ABCC4: variants seen among roughly 807,000 people sequenced by gnomAD.
ABCC4 encodes ATP-binding cassette sub-family C member 4.
A neutral mutation model predicts 168.5 loss-of-function variants in ABCC4; 102 were observed. The observed-to-expected ratio is 0.61, with a 90% confidence interval of 0.52 to 0.71. The LOEUF is 0.71. ABCC4 is among the 30% of genes least tolerant of loss of function. The pLI is 0.00. For synonymous variants in ABCC4, 617 were observed against 590.7 expected (o/e 1.04, Z -0.65); for missense variants, 1,402 against 1,605.8 (o/e 0.87, Z 2.17).
chr13:95,129,458 G>A (rs914009901), intron 19 of ABCC4, among the ~76,000 whole-genome samples: 1 of 152,176 alleles, frequency 6.6e-6, no homozygotes, highest in African/African-American at 2.4e-5. Context: ...TAATGGACAT[G>A]TTGTGGATAT....
intron 19 of ABCC4, among the ~76,000 whole-genome samples, chr13:95,133,350 T>G (rs921267093): frequency 2.6e-5 from 4 of 152,038 alleles, no homozygotes; most frequent in Non-Finnish European, 4.4e-5. Flanking sequence ...CTGGCCTCAA[T>G]TGATCTGCCT....
At position 95,164,103 on chromosome 13, in the gene ABCC4, T is replaced by C. The variant is rs1299816567; in HGVS notation, c.2175+275A>G. Among the ~76,000 whole-genome samples, 4 of 149,916 alleles carry C rather than the reference T, an allele frequency of 2.7e-5. No homozygotes were observed. In the East Asian group the frequency reaches 7.8e-4, roughly 29 times the overall value. On this transcript the variant is annotated intron_variant, in intron 16 of 30. Transcript: ENST00000645237. ...GAATAAAAGGCTCAGAGAACTCGCA[T>C]AGTTCTTCCAGCTCAGGTCTGTGCC...
chr13:95,207,635 A>T (rs985478846), intron 7 of ABCC4, among the ~76,000 whole-genome samples, 165 bp downstream of exon 7: 1 of 152,220 alleles, frequency 6.6e-6, no homozygotes, highest in African/African-American at 2.4e-5. Flanking sequence ...AAGTGAAAAT[A>T]ACGTTCTCTA....
intron 1 of ABCC4, among the ~76,000 whole-genome samples, chr13:95,274,544 C>G (rs1051750825): frequency 6.6e-6 from 1 of 152,178 alleles, no homozygotes; most frequent in African/African-American, 2.4e-5. Context: ...CTAAACTGTT[C>G]ACATGCACTC....
intron 1 of ABCC4, among the ~76,000 whole-genome samples, chr13:95,270,342 A>G (rs1342580053): frequency 0.072 from 45 of 624 alleles, no homozygotes; most frequent in South Asian, 0.36. Flanking sequence ...CAGGCTGTGA[A>G]AAAAAAAAAA....
At chr13:95,295,580 C>T (rs1464996061) in intron 1 of ABCC4, among the ~76,000 whole-genome samples, 3 of 152,122 alleles carry the variant, frequency 2.0e-5, no homozygotes, top group Non-Finnish European at 2.9e-5. Flanking sequence ...ATCACTTGAA[C>T]CCTGGAGGCA....
At chr13:95,256,534 T>C (rs1175006244) in intron 1 of ABCC4, among the ~76,000 whole-genome samples, 1 of 152,152 alleles carries the variant, frequency 6.6e-6, no homozygotes, top group Non-Finnish European at 1.5e-5. Context: ...GGCAGGAAGA[T>C]TGCTTGAGCC....
intron 9 of ABCC4, among the ~76,000 whole-genome samples, chr13:95,194,398 G>A (rs2038351881): frequency 1.3e-5 from 2 of 152,150 alleles, no homozygotes. Flanking sequence ...TCCAAGTCAT[G>A]GGCTTTCTCA....
chr13:95,201,700 C>A (rs983238050), intron 8 of ABCC4, among the ~76,000 whole-genome samples: 3 of 152,024 alleles, frequency 2.0e-5, no homozygotes, highest in African/African-American at 7.2e-5. Context: ...GGGCCGGGTG[C>A]GGTGGCTTAT....
chr13:95,278,637 A>G (rs2041031757), intron 1 of ABCC4, among the ~76,000 whole-genome samples: 1 of 151,970 alleles, frequency 6.6e-6, no homozygotes, highest in African/African-American at 2.4e-5. Context: ...TCTACAAAAC[A>G]AAAACAAAAA....
chr13:95,188,616 A>G lies in ABCC4; in HGVS notation c.1264-74T>C, dbSNP rs980625824. ...AATCACTTCAAAAAGAGAAGAAAAC[A>G]ATACAACAGTCATTGATACATGAAC... On this transcript the variant is annotated intron_variant, in intron 9 of 30. Transcript: ENST00000645237. 54 of 1,216,854 alleles carry G rather than the reference A, an allele frequency of 4.4e-5. No homozygotes were observed. The African/African-American group carries it at 7.4e-4, about 17-fold the overall frequency. The allele number at this position is 1,216,854 out of a possible 1,614,324, so 75.4% of individuals were successfully genotyped here.
chr13:95,083,211 C>A lies in ABCC4; in HGVS notation c.2615G>T (p.Gly872Val). 6.2e-7 allele frequency: 1 copy of A among 1,613,930 alleles called. No individual in the cohort carries two copies. Among genetic ancestry groups the A allele is most frequent in the Non-Finnish European group, 8.5e-7 (1 of 1,179,944 alleles). The stretch of plus-strand genomic sequence containing the variant: ...TCGCCGAAGAAAAATGAAAATGATT[C>A]CAAGGGGAACCAAGGGTATTGCGAT... The part of the protein sequence containing the change: ...PWIAIPLVPL[G>V]IIFIFLRRYF... Residue 872 changes from glycine (G) to valine (V), a missense_variant, in exon 21 of 31, where the codon GGA becomes GTA. Physicochemically the swap from Gly to Val is moderately radical, Grantham distance 109. Transcript: ENST00000645237.
chr13:95,184,809 G>A (rs139909888), intron 11 of ABCC4, among the ~76,000 whole-genome samples: 64 of 152,250 alleles, frequency 4.2e-4, no homozygotes, highest in African/African-American at 1.5e-3. Flanking sequence ...TCCTATCTCC[G>A]GGGCCTGGTC....
chr13:95,061,099 A>G (rs1204188690), intron 26 of ABCC4, among the ~76,000 whole-genome samples: 1 of 152,196 alleles, frequency 6.6e-6, no homozygotes, highest in Non-Finnish European at 1.5e-5. Flanking sequence ...AAAGCTGAAT[A>G]ATTTCCCATT....
intron 3 of ABCC4, among the ~76,000 whole-genome samples, chr13:95,240,927 C>T (rs1594361965): frequency 6.6e-6 from 1 of 151,840 alleles, no homozygotes; most frequent in Non-Finnish European, 1.5e-5. Flanking sequence ...GCCAAGATCA[C>T]ACCACTGCAC....
intron 1 of ABCC4, among the ~76,000 whole-genome samples, chr13:95,258,090 C>T (rs771734702): frequency 2.0e-5 from 3 of 152,166 alleles, no homozygotes; most frequent in African/African-American, 4.8e-5. Flanking sequence ...TTTCTCTCTA[C>T]ACCTTTGCCT....
At chr13:95,204,537 T>C (rs1375570490) in intron 8 of ABCC4, among the ~76,000 whole-genome samples, 1 of 152,184 alleles carries the variant, frequency 6.6e-6, no homozygotes, top group African/African-American at 2.4e-5. Context: ...TTCTCCTTCC[T>C]GCCACCCTGT....
At chr13:95,282,786 G>A (rs898648505) in intron 1 of ABCC4, among the ~76,000 whole-genome samples, 2 of 151,918 alleles carry the variant, frequency 1.3e-5, no homozygotes, top group Non-Finnish European at 2.9e-5. Flanking sequence ...GCCCACCTTG[G>A]CCTCCCAAAG....
At chr13:95,111,984 C>A (rs375169547) in intron 20 of ABCC4, among the ~76,000 whole-genome samples, 30 of 152,314 alleles carry the variant, frequency 2.0e-4, no homozygotes, top group Middle Eastern at 3.4e-3. Context: ...CAGTTCCAGA[C>A]TCCTACTTAC....
Sources: gnomAD v4.1 joint callset for allele counts (sites outside exome capture counted in the v4.1 genomes callset) on GRCh38, gnomAD v4.1.1 for gene constraint, MANE v1.5 for transcripts, NCBI Gene and HGNC (gene_info 2026-07-23, HGNC 2026-07-21) for gene names.